Variants in MYO7B observed in about 807,000 individuals in gnomAD.
MYO7B encodes unconventional myosin-VIIb.
In MYO7B, 212 loss-of-function variants were observed where a neutral mutation model predicts 259.7. The ratio of observed to expected loss-of-function variants is 0.82; its 90% CI spans 0.73 to 0.91. The LOEUF (loss-of-function observed/expected upper bound fraction) is 0.91. Among genes scored for constraint, MYO7B ranks in the 40% least tolerant of loss-of-function variants. MYO7B has a pLI of 0.00. For synonymous variants in MYO7B, 1,197 were observed against 1,166.4 expected (o/e 1.03, Z -0.54); for missense variants, 2,732 against 2,813.5 (o/e 0.97, Z 0.66).
In MYO7B at chr2:127,634,576, T is replaced by TGTACCTTCCCC. The variant is rs1345926754; in HGVS notation, c.5626-19_5626-9dup. The TGTACCTTCCCC allele has an allele frequency of 6.2e-7, 1 of 1,602,470 alleles. No homozygotes were observed. ...GTCCCCGGAAGCCACCCAACTTCCC[T>TGTACCTTCCCC]GTACCTTCCCCTTCCCCAGGTCATC... On this transcript the variant is annotated intron_variant, in intron 41 of 47. Coordinates refer to ENST00000409816, the MANE Select transcript of MYO7B (RefSeq NM_001393586.1).
At chr2:127,549,482 T>C (rs1693367330) in intron 1 of MYO7B, among the ~76,000 whole-genome samples, 1 of 152,168 alleles carries the variant, frequency 6.6e-6, no homozygotes, top group Admixed American at 6.5e-5. Context: ...GGACAACATA[T>C]AATTGGGAGC....
chr2:127,539,936 T>C lies in MYO7B; in HGVS notation c.-24+4105T>C, dbSNP rs1190821851. ...ATAAGTGAGAACATACGATATTTGGTTTTCCATTTCTGAGTTACTTCACTT... is the reference window on the plus strand; with the variant it reads ...ATAAGTGAGAACATACGATATTTGGCTTTCCATTTCTGAGTTACTTCACTT... On this transcript the variant is annotated intron_variant, in intron 1 of 47. Transcript: ENST00000409816. The surrounding 1 kb of genome is among the most constrained non-coding windows in gnomAD (Gnocchi z 4.0). Among the ~76,000 whole-genome samples the C allele has an allele frequency of 6.6e-6, 1 of 152,160 alleles. No individual in the cohort carries two copies. Among genetic ancestry groups the C allele is most frequent in the African/African-American group, 2.4e-5 (1 of 41,428 alleles).
chr2:127,574,167 C>G, intron 7 of MYO7B, 105 bp downstream of exon 7: 2 of 1,418,034 alleles, frequency 1.4e-6, no homozygotes, highest in Non-Finnish European at 1.9e-6. Flanking sequence ...CCCAAGGGCC[C>G]TCCCAGAACC....
Position 127,637,469 on chromosome 2 carries a change from C to A in MYO7B, c.*52C>A. Reference sequence around the variant, plus strand: ...GCGCCCTTCCCGACCTCTAGCCTGGCGGCACCTTCCCAGGCCCTCTCAACC... The same window carrying A: ...GCGCCCTTCCCGACCTCTAGCCTGGAGGCACCTTCCCAGGCCCTCTCAACC... On this transcript the variant is annotated 3_prime_UTR_variant, in exon 48 of 48. Coordinates refer to ENST00000409816, the MANE Select transcript of MYO7B (RefSeq NM_001393586.1). 1 of 1,338,388 alleles carries A rather than the reference C, an allele frequency of 7.5e-7. No individual in the cohort carries two copies. The highest frequency in any genetic ancestry group is 1.0e-6 in the Non-Finnish European group (1 of 995,440). The allele number at this position is 1,338,388 out of a possible 1,614,324, so 82.9% of individuals were successfully genotyped here. A position where few individuals can be genotyped will look rare whatever the true frequency, so the allele number is the denominator to read the frequency against.
In MYO7B at chr2:127,584,353, AC is replaced by A. The variant is rs771490330; in HGVS notation, c.1554+23del. The A allele has an allele frequency of 1.2e-6, 2 of 1,611,296 alleles. No individual in the cohort carries two copies. Among genetic ancestry groups the A allele is most frequent in the African/African-American group, 2.7e-5 (2 of 74,826 alleles). ...CGCAGGTGTGTGTTCGGGCCTGCCG[AC>A]CTTCTGGTGGAGGCCCTGCTATGGG... On this transcript the variant is annotated intron_variant, in intron 13 of 47. Coordinates refer to ENST00000409816, the MANE Select transcript of MYO7B (RefSeq NM_001393586.1). The surrounding 1 kb of genome is among the most constrained non-coding windows in gnomAD (Gnocchi z 5.8).
Position 127,636,286 on chromosome 2 carries a change from C to T in MYO7B, c.6085C>T (p.Arg2029Trp), listed in dbSNP as rs753292445. 3.5e-5 allele frequency: 57 copies of T among 1,613,396 alleles called. No individual in the cohort carries two copies. The highest frequency in any genetic ancestry group is 6.7e-5 in the Admixed American group (4 of 59,980). Residue 2029 changes from arginine (R) to tryptophan (W), a missense_variant, in exon 45 of 48, where the codon CGG becomes TGG. Physicochemically the swap from Arg to Trp is moderately radical, Grantham distance 101 (BLOSUM62 -3). Coordinates refer to ENST00000409816, the MANE Select transcript of MYO7B (RefSeq NM_001393586.1). The surrounding 1 kb of genome is among the most constrained non-coding windows in gnomAD (Gnocchi z 4.5). ...AKVAFLKWIC[R>W]WPTFGSAFFE... ...GGTGGCCTTCCTGAAGTGGATCTGCCGGTGGCCCACCTTCGGATCCGCCTT... is the reference window on the plus strand; with the variant it reads ...GGTGGCCTTCCTGAAGTGGATCTGCTGGTGGCCCACCTTCGGATCCGCCTT...
chr2:127,601,646 T>A (rs1679966494), intron 19 of MYO7B, among the ~76,000 whole-genome samples: 1 of 152,206 alleles, frequency 6.6e-6, no homozygotes, highest in Non-Finnish European at 1.5e-5. Flanking sequence ...ATTTACATGA[T>A]CTATATTTTT....
Position 127,609,438 on chromosome 2 carries a change from C to G in MYO7B, c.2815-68C>G, listed in dbSNP as rs760115873. ...CCCCCGTGCTGCCCGGCCTGCTGGA[C>G]AGTCAGCTGATGGGTTGGTTGTTAC... On this transcript the variant is annotated intron_variant, in intron 22 of 47. Transcript: ENST00000409816. This position sits in a 1 kb window ranked among gnomAD's most constrained non-coding sequence, Gnocchi z 6.9. 2.5e-4 allele frequency: 366 copies of G among 1,439,316 alleles called. 1 individual carries two copies. The highest frequency in any genetic ancestry group is 8.7e-4 in the Middle Eastern group (5 of 5,752). 89.2% of individuals were successfully genotyped at this position (1,439,316 alleles called of 1,614,324 possible).
At chr2:127,571,215 T>C (rs759314186) in intron 6 of MYO7B, among the ~76,000 whole-genome samples, 122 of 152,126 alleles carry the variant, frequency 8.0e-4, no homozygotes, top group Admixed American at 1.6e-3. Context: ...AGCAGGAACA[T>C]TCTGGTTGTC....
Position 127,582,442 on chromosome 2 carries a change from A to G in MYO7B, c.1339A>G (p.Asn447Asp), listed in dbSNP as rs775134787. The G allele has an allele frequency of 1.5e-5, 24 of 1,612,784 alleles. 1 individual carries two copies. Among genetic ancestry groups the G allele is most frequent in the East Asian group, 2.2e-5 (1 of 44,862 alleles). The change falls in exon 12 of 48, where the codon AAT (asparagine) becomes GAT (aspartate). Residue 447 changes from asparagine to aspartate, a missense_variant. Asn to Asp is a conservative substitution (Grantham distance 23). Transcript: ENST00000409816. ...ATTTGGCTTTGAAAATTTCGAGAAC[A>G]ATAGGTATGAAGATCTCAGATCCCA... is the stretch of plus-strand genomic sequence containing the variant. Reference protein sequence around the residue: ...DIFGFENFENNSFEQLCINFA... With the variant: ...DIFGFENFENDSFEQLCINFA...
intron 24 of MYO7B, 72 bp downstream of exon 24, chr2:127,610,088 G>A: frequency 1.3e-6 from 2 of 1,556,126 alleles, no homozygotes; most frequent in South Asian, 2.3e-5. Flanking sequence ...AGTCCCTGGG[G>A]CAGCTGGACA....
At chr2:127,564,054 C>G in intron 2 of MYO7B, 99 bp from the exon 3 acceptor site, 1 of 807,508 alleles carries the variant, frequency 1.2e-6, no homozygotes, top group Non-Finnish European at 1.9e-6. Context: ...ACCTTGGGAG[C>G]TCTGGGCTGG....
Position 127,634,232 on chromosome 2 carries a change from C to G in MYO7B, c.5568C>G (p.Thr1856=), listed in dbSNP as rs374606008. 1 of 1,597,330 alleles carries G rather than the reference C, an allele frequency of 6.3e-7. No homozygotes were observed. The highest frequency in any genetic ancestry group is 8.5e-7 in the Non-Finnish European group (1 of 1,175,360). ...GGGATGTGTGTGACAGCATTGCCAC[C>G]AGGCTGCAGCTGGCCTCCTGGGAGG... ...RVRDVCDSIA[T]RLQLASWEGC... The change falls in exon 41 of 48, where the codon ACC becomes ACG. Residue 1856 remains threonine, a synonymous_variant. Transcript: ENST00000409816.
At chr2:127,567,874 A>G (rs1300962431) in intron 5 of MYO7B, among the ~76,000 whole-genome samples, 1 of 152,152 alleles carries the variant, frequency 6.6e-6, no homozygotes, top group East Asian at 1.9e-4. Context: ...AGAAAAACAC[A>G]GCAGGGGAGA....
intron 1 of MYO7B, among the ~76,000 whole-genome samples, chr2:127,542,069 T>C (rs1256612680): frequency 1.3e-5 from 2 of 152,246 alleles, no homozygotes; most frequent in East Asian, 1.9e-4. Flanking sequence ...GGAGCCCTCA[T>C]GGTGATCCAG....
chr2:127,545,302 T>C (rs1480463306), intron 1 of MYO7B, among the ~76,000 whole-genome samples: 1 of 152,232 alleles, frequency 6.6e-6, no homozygotes, highest in East Asian at 1.9e-4. Context: ...CAGTTTACCC[T>C]TTACCACAGT....
rs1410751303 is a variant in MYO7B at position 127,624,419 on chromosome 2, G to C, written c.4047+99G>C. ...GGCTTCTGAGGCCAGGTAGAAGGTG[G>C]GGGGGCAGGAAAGGGGGTCACAAGG... On this transcript the variant is annotated intron_variant, in intron 30 of 47. Transcript: ENST00000409816. The C allele has an allele frequency of 4.5e-6, 5 of 1,114,452 alleles. No homozygotes were observed. The East Asian group carries it at 1.3e-4, about 29-fold the overall frequency. 69.0% of individuals were successfully genotyped at this position (1,114,452 alleles called of 1,614,324 possible). A position where few individuals can be genotyped will look rare whatever the true frequency, so the allele number is the denominator to read the frequency against.
In MYO7B at chr2:127,582,320, T is replaced by C. The variant is rs1352901597; in HGVS notation, c.1217T>C (p.Leu406Pro). ...TCTCTCCAGGGCATCTATGGGCACC[T>C]CTTCCTGTGGATTGTCAAGAAGATC... ...DAFVKGIYGH[L>P]FLWIVKKINA... is the part of the protein sequence containing the mutation. Residue 406 changes from leucine to proline, a missense_variant, in exon 12 of 48, where the codon CTC becomes CCC. Transcript: ENST00000409816. 6.2e-7 allele frequency: 1 copy of C among 1,613,224 alleles called. No homozygotes were observed. The highest frequency in any genetic ancestry group is 8.5e-7 in the Non-Finnish European group (1 of 1,179,672).
chr2:127,605,526 G>A (rs1469825759), intron 19 of MYO7B, among the ~76,000 whole-genome samples: 2 of 152,200 alleles, frequency 1.3e-5, no homozygotes, highest in East Asian at 1.9e-4. Context: ...AACCTGGGAG[G>A]TGGAGGTTAC....
Sources: allele counts gnomAD v4.1 joint callset (sites outside exome capture counted in the v4.1 genomes callset), GRCh38; gene constraint gnomAD v4.1.1; non-coding constraint Gnocchi (gnomAD v3.1); transcripts MANE v1.5; gene names NCBI Gene and HGNC (gene_info 2026-07-23, HGNC 2026-07-21).